PARVG: variants seen among roughly 807,000 people sequenced by gnomAD.
PARVG encodes gamma-parvin.
A neutral mutation model predicts 44.4 loss-of-function variants in PARVG; 36 were observed. That is an observed-to-expected ratio of 0.81 (90% confidence interval 0.62 to 1.07). The LOEUF is 1.07. Ranked by LOEUF, PARVG falls within the 50% of genes least tolerant of loss-of-function variation. PARVG has a pLI of 0.00. For missense variants in PARVG, 407 were observed against 407.4 expected, an observed-to-expected ratio of 1.00 and a Z score of 0.01; for synonymous variants, 170 against 174.1, an observed-to-expected ratio of 0.98 and a Z score of 0.19.
upstream of PARVG, among the ~76,000 whole-genome samples, chr22:44,178,415 A>G (rs1255339566): frequency 6.6e-6 from 1 of 152,222 alleles, no homozygotes; most frequent in Non-Finnish European, 1.5e-5. Flanking sequence ...TAAGGAGACA[A>G]AGATCAGAGC....
intron 12 of PARVG, among the ~76,000 whole-genome samples, chr22:44,202,411 C>T (rs1308342541): frequency 6.6e-6 from 1 of 152,216 alleles, no homozygotes; most frequent in Non-Finnish European, 1.5e-5. Context: ...CTCTGGGGTG[C>T]CCCTGGGCTG....
intron 12 of PARVG, 145 bp from the exon 13 acceptor site, chr22:44,205,612 T>C (rs987048364): frequency 1.6e-5 from 13 of 831,526 alleles, no homozygotes; most frequent in Non-Finnish European, 2.2e-5. Flanking sequence ...CGGATTGTGG[T>C]CGTGGTCAGG....
intron 6 of PARVG, among the ~76,000 whole-genome samples, chr22:44,189,629 G>T (rs1255123844): frequency 6.6e-6 from 1 of 152,202 alleles, no homozygotes; most frequent in African/African-American, 2.4e-5. Flanking sequence ...AAAAATGAGT[G>T]TGCCTGGTCG....
At chr22:44,196,924 A>G (rs556393876) in intron 11 of PARVG, among the ~76,000 whole-genome samples, 29 of 152,188 alleles carry the variant, frequency 1.9e-4, no homozygotes, top group Non-Finnish European at 3.5e-4. Flanking sequence ...TCAGGGGGTC[A>G]GCACCCACCA....
At chr22:44,176,627 T>A (rs895356902), upstream of PARVG, among the ~76,000 whole-genome samples, 56 of 145,182 alleles carry the variant, frequency 3.9e-4, no homozygotes, top group African/African-American at 1.5e-3. Context: ...GATATTAAAC[T>A]AGGATGAGAG....
rs1464460469 is a variant in PARVG, at chr22:44,181,734, T to A, written c.-188-8T>A. The A allele has an allele frequency of 1.0e-6, 1 of 985,234 alleles. No homozygotes were observed. Among genetic ancestry groups the A allele is most frequent in the Non-Finnish European group, 1.2e-6 (1 of 829,928 alleles). 61.0% of individuals were successfully genotyped at this position (985,234 alleles called of 1,614,324 possible). A position where few individuals can be genotyped will look rare whatever the true frequency, so the allele number is the denominator to read the frequency against. On this transcript the variant is annotated splice_polypyrimidine_tract_variant and splice_region_variant and intron_variant, in intron 1 of 13. Coordinates refer to ENST00000444313, the MANE Select transcript of PARVG (RefSeq NM_022141.7). ...CACGGCATCCACCCCCCTCGGGCCC[T>A]GCCGCAGAGAGGAGGAAGCTCCTGC...
At chr22:44,187,081 C>T in intron 4 of PARVG, 1 of 199,842 alleles carries the variant, frequency 5.0e-6, no homozygotes, top group South Asian at 9.2e-5. Context: ...ACCAGCAGCC[C>T]CCGCATTAGC....
intron 12 of PARVG, 61 bp from the exon 13 acceptor site, chr22:44,205,696 C>A: frequency 6.3e-7 from 1 of 1,597,522 alleles, no homozygotes; most frequent in South Asian, 1.1e-5. Context: ...GCACTTGGGA[C>A]CCAAGGCCTG....
At chr22:44,193,973 C>A in intron 9 of PARVG, 150 bp downstream of exon 9, 1 of 1,024,746 alleles carries the variant, frequency 9.8e-7, no homozygotes, top group South Asian at 1.5e-5. Context: ...TCATTTGTCC[C>A]TCTTTCTGTC....
chr22:44,199,221 C>T (rs2054672493), intron 12 of PARVG, among the ~76,000 whole-genome samples: 1 of 151,864 alleles, frequency 6.6e-6, no homozygotes, highest in East Asian at 1.9e-4. Flanking sequence ...CATCCACCCA[C>T]CTACCTGCCT....
chr22:44,203,748 C>T (rs184487565), intron 12 of PARVG, among the ~76,000 whole-genome samples: 56 of 152,346 alleles, frequency 3.7e-4, no homozygotes, highest in Non-Finnish European at 5.7e-4. Context: ...TGGGAACTTC[C>T]GGTGATGCTC....
At chr22:44,180,843 AACCTGT>A, upstream of PARVG, 1 of 893,534 alleles carries the variant, frequency 1.1e-6, no homozygotes, top group Non-Finnish European at 1.3e-6. Context: ...CTTTCTGCCT[AACCTGT>A]CAGAAAGGGT....
At chr22:44,194,985 T>C (rs1406047232) in intron 9 of PARVG, among the ~76,000 whole-genome samples, 1 of 152,180 alleles carries the variant, frequency 6.6e-6, no homozygotes, top group Non-Finnish European at 1.5e-5. Flanking sequence ...ACACTATTTT[T>C]CCTCCCTATA....
At chr22:44,205,244 T>C (rs2054764237) in intron 12 of PARVG, among the ~76,000 whole-genome samples, 1 of 152,218 alleles carries the variant, frequency 6.6e-6, no homozygotes, top group African/African-American at 2.4e-5. Context: ...TTCTGTCTCG[T>C]GAGCTCCAGT....
At chr22:44,181,670 C>T (rs981099138) in intron 1 of PARVG, 72 bp from the exon 2 acceptor site, 89 of 978,518 alleles carry the variant, frequency 9.1e-5, no homozygotes, top group Non-Finnish European at 1.1e-4. Context: ...GCTGGGGCTC[C>T]GGGCAGAGCT....
intron 3 of PARVG, chr22:44,183,776 G>T (rs983569113): frequency 7.5e-6 from 3 of 399,506 alleles, no homozygotes; most frequent in African/African-American, 6.2e-5. Context: ...GAGGCACAAG[G>T]GGTGACGTGC....
At chr22:44,199,448 A>T (rs949938081) in intron 12 of PARVG, among the ~76,000 whole-genome samples, 3 of 151,818 alleles carry the variant, frequency 2.0e-5, no homozygotes, top group Non-Finnish European at 2.9e-5. Context: ...CCCATCCCCT[A>T]CCCACACGCC....
intron 12 of PARVG, among the ~76,000 whole-genome samples, chr22:44,201,465 G>A (rs1218911597): frequency 1.3e-5 from 2 of 152,176 alleles, no homozygotes; most frequent in Admixed American, 6.5e-5. Flanking sequence ...AGTGGGTGTG[G>A]CCTCCACCTT....
chr22:44,206,533 C>A lies in PARVG; in HGVS notation c.*107C>A. 1 of 926,172 alleles carries A rather than the reference C, an allele frequency of 1.1e-6. No individual in the cohort carries two copies. Among genetic ancestry groups the A allele is most frequent in the Non-Finnish European group, 1.7e-6 (1 of 576,924 alleles). The allele number at this position is 926,172 out of a possible 1,614,324, so 57.4% of individuals were successfully genotyped here. A position where few individuals can be genotyped will look rare whatever the true frequency, so the allele number is the denominator to read the frequency against. On this transcript the variant is annotated 3_prime_UTR_variant, in exon 14 of 14. Coordinates refer to ENST00000444313, the MANE Select transcript of PARVG (RefSeq NM_022141.7). Reference sequence around the variant, plus strand: ...CGCTGTTTCCTGTGCATTCGTGACCCGCTTCCCTCCCACCCTGTCTCCTGT... The same window carrying A: ...CGCTGTTTCCTGTGCATTCGTGACCAGCTTCCCTCCCACCCTGTCTCCTGT...
Sources: allele counts gnomAD v4.1 joint callset (sites outside exome capture counted in the v4.1 genomes callset), GRCh38; gene constraint gnomAD v4.1.1; transcripts MANE v1.5; gene names NCBI Gene and HGNC (gene_info 2026-07-23, HGNC 2026-07-21).